Variants in GRIK2 observed in about 807,000 individuals in gnomAD.
GRIK2 encodes glutamate receptor ionotropic, kainate 2.
A neutral mutation model predicts 100.3 loss-of-function variants in GRIK2; 32 were observed. The ratio of observed to expected loss-of-function variants is 0.32; its 90% CI spans 0.24 to 0.43. The LOEUF (loss-of-function observed/expected upper bound fraction) is 0.43. Ranked by LOEUF, GRIK2 falls within the 20% of genes least tolerant of loss-of-function variation. GRIK2 has a pLI of 1.00. For synonymous variants in GRIK2, 417 were observed against 389.4 expected, an observed-to-expected ratio of 1.07 and a Z score of -0.83; for missense variants, 843 against 1,114.9, an observed-to-expected ratio of 0.76 and a Z score of 3.47.
intron 8 of GRIK2, 69 bp from the exon 9 acceptor site, chr6:101,802,262 C>T (rs1780719790): frequency 1.4e-5 from 8 of 555,768 alleles, no homozygotes; most frequent in Middle Eastern, 2.8e-4. Context: ...AAGTTTCCTA[C>T]TTTTGTGAAA....
At chr6:101,511,494 A>G (rs1054943487) in intron 2 of GRIK2, among the ~76,000 whole-genome samples, 1 of 152,116 alleles carries the variant, frequency 6.6e-6, no homozygotes, top group African/African-American at 2.4e-5. Context: ...AAATGTATGT[A>G]TACATCTCAT....
At chr6:101,523,959 C>T (rs144665451) in intron 2 of GRIK2, among the ~76,000 whole-genome samples, 45 of 152,130 alleles carry the variant, frequency 3.0e-4, no homozygotes, top group Middle Eastern at 3.4e-3. Context: ...TGACCTCAAG[C>T]GATCCACCCG....
rs144912298 is a variant in GRIK2 at position 101,790,196 on chromosome 6, A to G, written c.952-9452A>G. Among the ~76,000 whole-genome samples, 997 of 152,016 alleles carry G rather than the reference A, an allele frequency of 6.6e-3. 12 individuals carry two copies. Among genetic ancestry groups the G allele is most frequent in the African/African-American group, 0.023 (952 of 41,340 alleles). On this transcript the variant is annotated intron_variant, in intron 7 of 16. Transcript: ENST00000369134. ...CTCTTTTCCTAATTGAATACCCTTTATTTCCTTCTCCTGCCTAATTGCCCT... is the reference window on the plus strand; with the variant it reads ...CTCTTTTCCTAATTGAATACCCTTTGTTTCCTTCTCCTGCCTAATTGCCCT...
At chr6:101,405,214 T>G (rs772254313) in intron 2 of GRIK2, among the ~76,000 whole-genome samples, 8 of 152,180 alleles carry the variant, frequency 5.3e-5, no homozygotes, top group Non-Finnish European at 1.2e-4. Context: ...ATTATCCCTT[T>G]AAAAGACTCA....
At chr6:101,698,789 G>A (rs1772677323) in intron 7 of GRIK2, among the ~76,000 whole-genome samples, 1 of 152,032 alleles carries the variant, frequency 6.6e-6, no homozygotes, top group South Asian at 2.1e-4. Flanking sequence ...TTAAATCATT[G>A]GAAAAAATAT....
chr6:101,746,644 C>T lies in GRIK2; in HGVS notation c.952-53004C>T, dbSNP rs952349251. 5.5e-4 allele frequency among the ~76,000 whole-genome samples: 84 copies of T among 152,114 alleles called. 1 individual carries two copies. The highest frequency in any genetic ancestry group is 8.4e-4 in the Non-Finnish European group (57 of 68,002). On this transcript the variant is annotated intron_variant, in intron 7 of 16. Transcript: ENST00000369134. Reference sequence around the variant, plus strand: ...GCCTGGCCTACCTTCAAATTTTTGTCTCAGTGGATAAGACAGATTTTGTTA... The same window carrying T: ...GCCTGGCCTACCTTCAAATTTTTGTTTCAGTGGATAAGACAGATTTTGTTA...
Position 101,447,418 on chromosome 6 carries a change from A to G in GRIK2, c.115+48026A>G, listed in dbSNP as rs147565226. 1.6e-4 allele frequency among the ~76,000 whole-genome samples: 25 copies of G among 151,808 alleles called. No homozygotes were observed. The East Asian group carries it at 4.4e-3, about 27-fold the overall frequency. ...CGGTTTCAAAAATAGAGAGCTCTAT[A>G]TTTGCTTTCTTCATATATTTAGAAC... On this transcript the variant is annotated intron_variant, in intron 2 of 16. Transcript: ENST00000369134.
intron 12 of GRIK2, among the ~76,000 whole-genome samples, chr6:101,892,619 GCTT>G (rs1787181322): frequency 6.6e-6 from 1 of 151,710 alleles, no homozygotes; most frequent in Non-Finnish European, 1.5e-5. Context: ...TACTATTTCA[GCTT>G]CTTATTCCAC....
At chr6:101,615,501 A>T (rs369850977) in intron 2 of GRIK2, among the ~76,000 whole-genome samples, 2 of 151,794 alleles carry the variant, frequency 1.3e-5, no homozygotes, top group African/African-American at 4.8e-5. Context: ...TTGATTACTA[A>T]GATGCTTCTT....
Position 101,732,098 on chromosome 6 carries a change from GCA to G in GRIK2, c.951+45759_951+45760del, listed in dbSNP as rs201296140. ...ATTTGTCAGTTCTTTGTGTTTATATGCACACACACACACACCTTTTTTTTCCT... is the reference window on the plus strand; with the variant it reads ...ATTTGTCAGTTCTTTGTGTTTATATGCACACACACACACCTTTTTTTTCCT... On this transcript the variant is annotated intron_variant, in intron 7 of 16. Coordinates refer to ENST00000369134, the MANE Select transcript of GRIK2 (RefSeq NM_021956.5). Among the ~76,000 whole-genome samples, 470 of 151,022 alleles carry G rather than the reference GCA, an allele frequency of 3.1e-3. 3 individuals carry two copies. The highest frequency in any genetic ancestry group is 0.011 in the African/African-American group (435 of 41,252).
chr6:101,991,431 T>C lies in GRIK2; in HGVS notation c.2086-43910T>C, dbSNP rs565260607. 2.0e-5 allele frequency among the ~76,000 whole-genome samples: 3 copies of C among 151,156 alleles called. No homozygotes were observed. In the East Asian group the frequency reaches 5.8e-4, roughly 29 times the overall value. On this transcript the variant is annotated intron_variant, in intron 14 of 16. Coordinates refer to ENST00000369134, the MANE Select transcript of GRIK2 (RefSeq NM_021956.5). The stretch of plus-strand genomic sequence containing the variant: ...ATTTGTTGCATATTTTCTTTTGTTT[T>C]GTAAATAATAATATTGAAAAATATG...
chr6:101,479,115 T>G (rs1221348670), intron 2 of GRIK2, among the ~76,000 whole-genome samples: 2 of 152,204 alleles, frequency 1.3e-5, no homozygotes, highest in African/African-American at 4.8e-5. Flanking sequence ...AACTTGGTTT[T>G]ACACAATTAT....
At chr6:101,673,527 C>G (rs532944273) in intron 4 of GRIK2, among the ~76,000 whole-genome samples, 1 of 152,282 alleles carries the variant, frequency 6.6e-6, no homozygotes, top group East Asian at 1.9e-4. Context: ...GGGCTTGTCA[C>G]TGATTCTTCT....
intron 2 of GRIK2, among the ~76,000 whole-genome samples, chr6:101,451,700 G>GC (rs1770699163): frequency 1.7e-5 from 1 of 59,794 alleles, no homozygotes; most frequent in South Asian, 4.6e-4. Flanking sequence ...CTCTGAGGGG[G>GC]GGGGGGGTGC....
intron 2 of GRIK2, among the ~76,000 whole-genome samples, chr6:101,543,403 TAG>T (rs1776096443): frequency 6.6e-6 from 1 of 152,158 alleles, no homozygotes; most frequent in Non-Finnish European, 1.5e-5. Context: ...AGGTGGGCAA[TAG>T]TTTTGGCCAA....
chr6:101,429,537 G>T (rs1032653404), intron 2 of GRIK2, among the ~76,000 whole-genome samples: 2 of 152,100 alleles, frequency 1.3e-5, no homozygotes, highest in Non-Finnish European at 1.5e-5. Context: ...AGCCTAAAAA[G>T]AAAGTGCTAA....
In GRIK2 at chr6:102,027,957, TC is replaced by T. The variant is rs1769789997; in HGVS notation, c.2086-7383del. Among the ~76,000 whole-genome samples the T allele has an allele frequency of 2.0e-5, 3 of 151,172 alleles. 1 individual carries two copies. The South Asian group carries it at 6.2e-4, about 31-fold the overall frequency. On this transcript the variant is annotated intron_variant, in intron 14 of 16. Transcript: ENST00000369134. ...ACCTTATTAGCTTTTCATAATATTT[TC>T]GAAGAAATTTAAAACAAAATTGCAA... is the stretch of plus-strand genomic sequence containing the variant.
intron 2 of GRIK2, among the ~76,000 whole-genome samples, chr6:101,604,983 G>A (rs1302338984): frequency 2.1e-4 from 32 of 151,912 alleles, no homozygotes; most frequent in Non-Finnish European, 4.7e-4. Context: ...AATGATTTTT[G>A]GAATCTTACA....
intron 10 of GRIK2, among the ~76,000 whole-genome samples, chr6:101,852,554 G>A (rs968481509): frequency 1.3e-5 from 2 of 152,102 alleles, no homozygotes; most frequent in Admixed American, 1.3e-4. Context: ...CTATGAGCCA[G>A]GGGATGTTTG....
Sources: gnomAD v4.1 joint callset for allele counts (sites outside exome capture counted in the v4.1 genomes callset) on GRCh38, gnomAD v4.1.1 for gene constraint, MANE v1.5 for transcripts, NCBI Gene and HGNC (gene_info 2026-07-23, HGNC 2026-07-21) for gene names.